Variants in GABRG3 observed in about 807,000 individuals in gnomAD.
GABRG3 encodes the protein gamma-aminobutyric acid receptor subunit gamma-3.
In GABRG3, 25 loss-of-function variants were observed where a neutral mutation model predicts 48.8. The observed-to-expected ratio is 0.51, with a 90% CI of 0.37 to 0.72. The LOEUF (loss-of-function observed/expected upper bound fraction) is 0.72, where lower values mean the gene tolerates loss of function less well. Ranked by LOEUF, GABRG3 falls within the 30% of genes least tolerant of loss-of-function variation. The pLI is 0.00. For missense variants in GABRG3, 394 were observed against 577.9 expected, an observed-to-expected ratio of 0.68 and a Z score of 3.26; for synonymous variants, 227 against 217.6, an observed-to-expected ratio of 1.04 and a Z score of -0.38.
At position 27,387,042 on chromosome 15, in the gene GABRG3, C is replaced by T. The variant is rs549033385; in HGVS notation, c.574+58154C>T. ...AAATAATTTTACCTTCACTTGGAAA[C>T]TTCATTAATATTATAGAGAGTTACT... is the stretch of plus-strand genomic sequence containing the variant. On this transcript the variant is annotated intron_variant, in intron 5 of 9. Coordinates refer to ENST00000615808, the MANE Select transcript of GABRG3 (RefSeq NM_033223.5). 3.3e-5 allele frequency among the ~76,000 whole-genome samples: 5 copies of T among 152,324 alleles called. No homozygotes were observed. In the South Asian group the frequency reaches 1.0e-3, roughly 32 times the overall value.
intron 3 of GABRG3, among the ~76,000 whole-genome samples, chr15:27,194,870 T>C (rs1465763294): frequency 6.6e-6 from 1 of 152,202 alleles, no homozygotes; most frequent in Non-Finnish European, 1.5e-5. Context: ...CTCTTCTCCT[T>C]CCAAAATTCT....
chr15:27,102,680 G>A (rs1190948319), intron 3 of GABRG3, among the ~76,000 whole-genome samples: 3 of 152,166 alleles, frequency 2.0e-5, no homozygotes, highest in Non-Finnish European at 1.5e-5. Flanking sequence ...GGAATACGAT[G>A]CTATGGGTTG....
At chr15:27,315,017 G>T (rs1341986466) in intron 3 of GABRG3, among the ~76,000 whole-genome samples, 1 of 152,140 alleles carries the variant, frequency 6.6e-6, no homozygotes, top group Non-Finnish European at 1.5e-5. Flanking sequence ...CACTTAAAAA[G>T]TGTATCATAC....
At chr15:27,006,175 C>T (rs192734514) in intron 2 of GABRG3, among the ~76,000 whole-genome samples, 1,804 of 115,522 alleles carry the variant, frequency 0.016, 35 homozygotes, top group African/African-American at 0.057. Flanking sequence ...TTTTACATTC[C>T]TAGTTTTTTT....
intron 5 of GABRG3, among the ~76,000 whole-genome samples, chr15:27,373,647 A>G (rs1201507213): frequency 1.3e-5 from 2 of 152,220 alleles, no homozygotes; most frequent in African/African-American, 4.8e-5. Context: ...TGGTAATTCA[A>G]TTACTAAAAA....
At chr15:27,138,154 G>C (rs955100010) in intron 3 of GABRG3, among the ~76,000 whole-genome samples, 5 of 152,112 alleles carry the variant, frequency 3.3e-5, no homozygotes, top group African/African-American at 7.2e-5. Context: ...TATTTATTCT[G>C]ATATTTATGC....
rs1054604618 is a variant in GABRG3 at position 27,541,727 on chromosome 15, C to G, written c.*8846C>G. 1.3e-5 allele frequency: 2 copies of G among 152,278 alleles called. No homozygotes were observed. Among genetic ancestry groups the G allele is most frequent in the African/African-American group, 4.8e-5 (2 of 41,452 alleles). The allele number at this position is 152,278 out of a possible 1,614,324, so 9.4% of individuals were successfully genotyped here. A position where few individuals can be genotyped will look rare whatever the true frequency, so the allele number is the denominator to read the frequency against. On this transcript the variant is annotated 3_prime_UTR_variant, in exon 10 of 10. Coordinates refer to ENST00000615808, the MANE Select transcript of GABRG3 (RefSeq NM_033223.5). Reference sequence around the variant, plus strand: ...TTGGAGGCCCTGGCTCCGGGCGGTCCCGAGGTCCCGCCGCCCTCCTCCCCT... The same window carrying G: ...TTGGAGGCCCTGGCTCCGGGCGGTCGCGAGGTCCCGCCGCCCTCCTCCCCT...
At chr15:27,334,568 A>G (rs183838646) in intron 5 of GABRG3, among the ~76,000 whole-genome samples, 1 of 152,194 alleles carries the variant, frequency 6.6e-6, no homozygotes, top group East Asian at 1.9e-4. Flanking sequence ...ACACTAATGC[A>G]TGGCACTGCT....
intron 6 of GABRG3, among the ~76,000 whole-genome samples, chr15:27,495,475 G>A (rs143097096): frequency 3.0e-4 from 45 of 152,174 alleles, no homozygotes; most frequent in African/African-American, 1.1e-3. Context: ...AGTTCTCTTG[G>A]ATACACATAC....
At chr15:27,290,256 G>A (rs1891752454) in intron 3 of GABRG3, among the ~76,000 whole-genome samples, 1 of 151,912 alleles carries the variant, frequency 6.6e-6, no homozygotes, top group African/African-American at 2.4e-5. Flanking sequence ...GATTGAATAA[G>A]ACATTAGAAG....
At chr15:27,361,773 G>T (rs1321844410) in intron 5 of GABRG3, among the ~76,000 whole-genome samples, 11 of 152,194 alleles carry the variant, frequency 7.2e-5, no homozygotes, top group African/African-American at 2.2e-4. Context: ...TCTGAATCTG[G>T]CTGTCAGCTG....
At chr15:27,460,168 AGTT>A (rs1889405722) in intron 5 of GABRG3, among the ~76,000 whole-genome samples, 1 of 152,256 alleles carries the variant, frequency 6.6e-6, no homozygotes, top group Admixed American at 6.5e-5. Flanking sequence ...AATACATCAC[AGTT>A]GTTAATATTT....
intron 3 of GABRG3, among the ~76,000 whole-genome samples, chr15:27,308,711 T>G (rs567694367): frequency 1.3e-5 from 2 of 149,834 alleles, no homozygotes; most frequent in Non-Finnish European, 3.0e-5. Flanking sequence ...AACATACGTT[T>G]ATATGTAAAC....
chr15:27,371,029 G>A (rs1895394691), intron 5 of GABRG3, among the ~76,000 whole-genome samples: 1 of 152,086 alleles, frequency 6.6e-6, no homozygotes, highest in Non-Finnish European at 1.5e-5. Flanking sequence ...GTTGAATTTC[G>A]AAGTGACTTG....
rs141328554 is a variant in GABRG3, at chr15:27,458,379, G to A, written c.575-22271G>A. ...ATAATAGTACTTTTTGACTGGTGACGTGCATGTGTCTAGCCAATTCTCACC... is the reference window on the plus strand; with the variant it reads ...ATAATAGTACTTTTTGACTGGTGACATGCATGTGTCTAGCCAATTCTCACC... On this transcript the variant is annotated intron_variant, in intron 5 of 9. Transcript: ENST00000615808. 4.1e-3 allele frequency among the ~76,000 whole-genome samples: 618 copies of A among 152,266 alleles called. 2 individuals are homozygous for A. The highest frequency in any genetic ancestry group is 0.014 in the African/African-American group (572 of 41,546).
chr15:27,351,366 TTGTG>T (rs1333425136), intron 5 of GABRG3, among the ~76,000 whole-genome samples: 1 of 143,410 alleles, frequency 7.0e-6, no homozygotes, highest in Non-Finnish European at 1.5e-5. Context: ...GTGAGTGCCT[TTGTG>T]TGTGTATGGT....
chr15:27,017,377 G>A (rs1179319499), intron 2 of GABRG3, among the ~76,000 whole-genome samples: 1 of 152,170 alleles, frequency 6.6e-6, no homozygotes, highest in Admixed American at 6.5e-5. Context: ...TTGTGGTACT[G>A]CAGTTTCTTT....
intron 5 of GABRG3, among the ~76,000 whole-genome samples, chr15:27,424,935 G>A (rs1046481145): frequency 5.9e-5 from 9 of 152,054 alleles, no homozygotes; most frequent in South Asian, 2.1e-4. Context: ...GCATAGCAGG[G>A]GCCTAGGGCC....
chr15:27,492,906 G>T (rs573301821), intron 6 of GABRG3, among the ~76,000 whole-genome samples: 1 of 151,474 alleles, frequency 6.6e-6, no homozygotes, highest in East Asian at 2.0e-4. Flanking sequence ...TTTTGAAAAA[G>T]AAAATGCTCA....
Sources: gnomAD v4.1 joint callset for allele counts (sites outside exome capture counted in the v4.1 genomes callset) on GRCh38, gnomAD v4.1.1 for gene constraint, MANE v1.5 for transcripts, NCBI Gene and HGNC (gene_info 2026-07-23, HGNC 2026-07-21) for gene names.